The following KIAA1549L variants were observed in gnomAD, a reference collection of about 807,000 sequenced individuals.
KIAA1549L encodes KIAA1549 like.
KIAA1549L carries 88 observed loss-of-function variants against 160.7 expected under a neutral mutation model. That is an observed-to-expected ratio of 0.55 (90% confidence interval 0.46 to 0.65). The LOEUF (loss-of-function observed/expected upper bound fraction) is 0.65. Ranked by LOEUF, KIAA1549L falls within the 30% of genes least tolerant of loss-of-function variation. KIAA1549L has a pLI of 0.00. For synonymous variants in KIAA1549L, 950 were observed against 976.7 expected, an observed-to-expected ratio of 0.97 and a Z score of 0.51; for missense variants, 2,258 against 2,437.5, an observed-to-expected ratio of 0.93 and a Z score of 1.55.
chr11:33,418,821 T>C (rs1850940006), intron 1 of KIAA1549L, among the ~76,000 whole-genome samples: 1 of 151,568 alleles, frequency 6.6e-6, no homozygotes, highest in African/African-American at 2.4e-5. Flanking sequence ...ATCCTGTTTC[T>C]AGGGGGAGCT....
chr11:33,646,031 C>T lies in KIAA1549L; in HGVS notation c.5755C>T (p.Arg1919Trp), dbSNP rs770049869. The T allele has an allele frequency of 3.1e-5, 48 of 1,558,066 alleles. No individual in the cohort carries two copies. Among genetic ancestry groups the T allele is most frequent in the Non-Finnish European group, 3.8e-5 (44 of 1,150,124 alleles). Residue 1919 changes from arginine to tryptophan, a missense_variant, in exon 17 of 21, where the codon CGG becomes TGG. Transcript: ENST00000658780. The stretch of plus-strand genomic sequence containing the variant: ...AGAAATGTATCAGTACAGTCTGCCC[C>T]GGCCGGTAAGTCATTCATTCCACCC... ...RPEMYQYSLP[R>W]PAYRFSQLPE...
chr11:33,425,426 T>C (rs1421063062), intron 1 of KIAA1549L, among the ~76,000 whole-genome samples: 1 of 152,240 alleles, frequency 6.6e-6, no homozygotes, highest in East Asian at 1.9e-4. Flanking sequence ...TGTTAATATC[T>C]GTTTCTCTGA....
At position 33,376,353 on chromosome 11, in the gene KIAA1549L, GC is replaced by G. The variant is rs1849952415; in HGVS notation, c.-296del. The G allele has an allele frequency of 1.4e-5, 2 of 147,856 alleles. No homozygotes were observed. The highest frequency in any genetic ancestry group is 1.3e-4 in the Admixed American group (2 of 14,938). The allele number at this position is 147,856 out of a possible 1,614,324, so 9.2% of individuals were successfully genotyped here. On this transcript the variant is annotated 5_prime_UTR_variant, in exon 1 of 21. Coordinates refer to ENST00000658780, the MANE Select transcript of KIAA1549L (RefSeq NM_012194.3). This position sits in a 1 kb window ranked among gnomAD's most constrained non-coding sequence, Gnocchi z 5.8. ...CCCGGGGGAGGGGGCCCCGGGCGGC[GC>G]CCGTCCCACCCTCGCCGCCCCAATC... is the stretch of plus-strand genomic sequence containing the variant.
intron 1 of KIAA1549L, among the ~76,000 whole-genome samples, chr11:33,440,283 C>T (rs1021711616): frequency 1.0e-4 from 15 of 150,322 alleles, no homozygotes; most frequent in Non-Finnish European, 1.6e-4. Context: ...GCGCCCGCCA[C>T]TACGCCCGGC....
chr11:33,662,367 G>T (rs1195359244), intron 20 of KIAA1549L, among the ~76,000 whole-genome samples: 1 of 152,134 alleles, frequency 6.6e-6, no homozygotes, highest in East Asian at 1.9e-4. Context: ...CATTAGAATT[G>T]TTTGTAAACT....
intron 6 of KIAA1549L, among the ~76,000 whole-genome samples, chr11:33,556,482 A>T (rs1014189088): frequency 3.3e-5 from 5 of 152,230 alleles, no homozygotes; most frequent in African/African-American, 1.2e-4. Flanking sequence ...AGCCTTTAAA[A>T]ATGAAGGAAA....
chr11:33,527,966 C>A (rs1385176565), intron 1 of KIAA1549L, among the ~76,000 whole-genome samples: 1 of 152,078 alleles, frequency 6.6e-6, no homozygotes, highest in Admixed American at 6.6e-5. Flanking sequence ...CTGTGCTGTT[C>A]TCATGATAGT....
intron 1 of KIAA1549L, among the ~76,000 whole-genome samples, chr11:33,489,153 AC>A (rs1254190539): frequency 1.3e-5 from 2 of 152,146 alleles, no homozygotes; most frequent in African/African-American, 4.8e-5. Context: ...AATAGCAAAG[AC>A]TGGGTGGCTT....
chr11:33,457,714 G>T (rs1851859254), intron 1 of KIAA1549L, among the ~76,000 whole-genome samples: 1 of 152,226 alleles, frequency 6.6e-6, no homozygotes, highest in Admixed American at 6.5e-5. Flanking sequence ...TGGGATCAGG[G>T]AATGGTCAGG....
chr11:33,506,831 T>C (rs1439523069), intron 1 of KIAA1549L, among the ~76,000 whole-genome samples: 1 of 152,232 alleles, frequency 6.6e-6, no homozygotes, highest in Non-Finnish European at 1.5e-5. Context: ...ATTTGGGTTC[T>C]ACTTTTATAA....
At chr11:33,606,239 T>A (rs570560726) in intron 13 of KIAA1549L, among the ~76,000 whole-genome samples, 1 of 152,346 alleles carries the variant, frequency 6.6e-6, no homozygotes, top group East Asian at 1.9e-4. Context: ...CTGAACTGAA[T>A]GCTGTTAGTC....
intron 6 of KIAA1549L, among the ~76,000 whole-genome samples, chr11:33,556,837 GAACGA>G (rs1854664414): frequency 6.6e-6 from 1 of 152,132 alleles, no homozygotes; most frequent in South Asian, 2.1e-4. Flanking sequence ...TAATGCCACT[GAACGA>G]TACACTTAAA....
intron 1 of KIAA1549L, among the ~76,000 whole-genome samples, chr11:33,415,876 C>T (rs1208290021): frequency 1.3e-5 from 2 of 149,752 alleles, no homozygotes; most frequent in Non-Finnish European, 3.0e-5. Context: ...GTGATCTCGG[C>T]TCACTGGAGT....
intron 11 of KIAA1549L, among the ~76,000 whole-genome samples, chr11:33,590,799 TCA>T (rs1850030708): frequency 6.6e-6 from 1 of 151,010 alleles, no homozygotes; most frequent in African/African-American, 2.5e-5. Flanking sequence ...CTTGGCAAAG[TCA>T]CACATGTGCT....
At chr11:33,391,116 A>G (rs745849412) in intron 1 of KIAA1549L, among the ~76,000 whole-genome samples, 11 of 152,260 alleles carry the variant, frequency 7.2e-5, no homozygotes, top group Non-Finnish European at 1.6e-4. Flanking sequence ...AGCTTCAAAT[A>G]CTGTGTATAG....
At chr11:33,619,111 G>A (rs988056144) in intron 16 of KIAA1549L, among the ~76,000 whole-genome samples, 4 of 152,154 alleles carry the variant, frequency 2.6e-5, no homozygotes, top group Non-Finnish European at 4.4e-5. Context: ...CCAACAGGGC[G>A]GTTTGATAAT....
intron 1 of KIAA1549L, among the ~76,000 whole-genome samples, chr11:33,457,713 G>A (rs1450090913): frequency 6.6e-6 from 1 of 152,184 alleles, no homozygotes; most frequent in Non-Finnish European, 1.5e-5. Context: ...GTGGGATCAG[G>A]GAATGGTCAG....
intron 1 of KIAA1549L, among the ~76,000 whole-genome samples, chr11:33,444,819 C>T (rs1174492882): frequency 6.6e-6 from 1 of 152,188 alleles, no homozygotes; most frequent in African/African-American, 2.4e-5. Flanking sequence ...GACGGGTGGC[C>T]CCCGGTTCAG....
rs776876852 is a variant in KIAA1549L, at chr11:33,545,221, A to G, written c.3228A>G (p.Thr1076=). 3.2e-5 allele frequency: 52 copies of G among 1,613,922 alleles called. No homozygotes were observed. Among genetic ancestry groups the G allele is most frequent in the Non-Finnish European group, 4.4e-5 (52 of 1,179,894 alleles). ...PRPLTVTAAL[T]SITASVKATR... ...CACTGACAGTCACGGCCGCGCTGAC[A>G]TCCATTACAGCCTCAGTGAAGGCCA... Residue 1076 remains threonine (T), a synonymous_variant, in exon 3 of 21, where the codon ACA becomes ACG. Transcript: ENST00000658780.
Sources: allele counts gnomAD v4.1 joint callset (sites outside exome capture counted in the v4.1 genomes callset), GRCh38; gene constraint gnomAD v4.1.1; non-coding constraint Gnocchi (gnomAD v3.1); transcripts MANE v1.5; gene names NCBI Gene and HGNC (gene_info 2026-07-23, HGNC 2026-07-21).